CNTRL: variants seen among roughly 807,000 people sequenced by gnomAD.
The protein encoded by CNTRL is centriolin, also known as 110 kDa centrosomal protein.
A neutral mutation model predicts 303.7 loss-of-function variants in CNTRL; 233 were observed. That is an observed-to-expected ratio of 0.77 (90% CI 0.69 to 0.86). CNTRL has a LOEUF of 0.86. Ranked by LOEUF, CNTRL falls within the 40% of genes least tolerant of loss-of-function variation. The pLI is 0.00. For missense variants in CNTRL, 2,524 were observed against 2,650.6 expected (o/e 0.95, Z 1.05); for synonymous variants, 900 against 922.2 (o/e 0.98, Z 0.44).
In CNTRL at chr9:121,138,544, G is replaced by A; in HGVS notation, c.2203-1G>A. The A allele has an allele frequency of 1.2e-6, 2 of 1,613,386 alleles. No homozygotes were observed. Among genetic ancestry groups the A allele is most frequent in the Non-Finnish European group, 1.7e-6 (2 of 1,179,612 alleles). ...CATGTCATTGCTTCCTATGGTGACA[G>A]TTAGAACAATCAGCCCTTCAAGCAG... On this transcript the variant is annotated splice_acceptor_variant, in intron 15 of 43. Transcript: ENST00000373855. LOFTEE classifies it high-confidence loss of function.
intron 7 of CNTRL, among the ~76,000 whole-genome samples, chr9:121,103,001 C>T (rs1334684077): frequency 6.6e-6 from 1 of 152,122 alleles, no homozygotes; most frequent in Admixed American, 6.5e-5. Context: ...TCAATGCCAT[C>T]CCCATCAAGC....
In CNTRL at chr9:121,130,971, T is replaced by C. The variant is rs142270296; in HGVS notation, c.2026-4835T>C. 1.1e-3 allele frequency among the ~76,000 whole-genome samples: 168 copies of C among 152,324 alleles called. 1 individual carries two copies. Among genetic ancestry groups the C allele is most frequent in the Non-Finnish European group, 1.0e-3 (70 of 68,030 alleles). On this transcript the variant is annotated intron_variant, in intron 14 of 43. Transcript: ENST00000373855. The stretch of plus-strand genomic sequence containing the variant: ...TGAGTTTCTTAATCCTGAGTTCTAA[T>C]TTGATTGCACTGTGGTCTGAGAGAC...
At chr9:121,075,715 A>G (rs2047895445) in intron 1 of CNTRL, among the ~76,000 whole-genome samples, 1 of 152,150 alleles carries the variant, frequency 6.6e-6, no homozygotes, top group South Asian at 2.1e-4. Context: ...ATAATTGCGA[A>G]TCATTTTTGG....
rs1387230949 is a variant in CNTRL at position 121,152,637 on chromosome 9, C to G, written c.4116C>G (p.Ser1372Arg). Residue 1372 changes from serine to arginine, a missense_variant, in exon 26 of 44, where the codon AGC (serine) becomes AGG (arginine). By Grantham distance (110) the Ser-to-Arg change is moderately radical. Transcript: ENST00000373855. ...ATGATCTTTTGCAAGAGAAGAAAAG[C>G]TTAGAGTGTGAAGTAGAAGAATTAC... is the stretch of plus-strand genomic sequence containing the variant. The part of the protein sequence containing the change: ...NIDDLLQEKK[S>R]LECEVEELHR... 3 of 1,613,976 alleles carry G rather than the reference C, an allele frequency of 1.9e-6. No individual in the cohort carries two copies. In the Admixed American group the frequency reaches 5.0e-5, roughly 27 times the overall value.
chr9:121,174,908 C>T, intron 42 of CNTRL, 110 bp from the exon 43 acceptor site: 1 of 907,196 alleles, frequency 1.1e-6, no homozygotes, highest in Non-Finnish European at 1.8e-6. Flanking sequence ...TTTTTGACAG[C>T]CATTCCTACT....
At chr9:121,104,871 T>C (rs2049384198) in intron 7 of CNTRL, among the ~76,000 whole-genome samples, 1 of 152,028 alleles carries the variant, frequency 6.6e-6, no homozygotes, top group Non-Finnish European at 1.5e-5. Context: ...CAGGCTAATT[T>C]TGTATTTTTA....
At chr9:121,090,155 AGCTTTTTTGGTATATTCATGGC>A (rs2132293415) in intron 3 of CNTRL, 98 bp from the exon 4 acceptor site, 1 of 601,300 alleles carries the variant, frequency 1.7e-6, no homozygotes, top group East Asian at 4.5e-5. Context: ...AGAAATAGCC[AGCTTTTTTGGTATATTCATGGC>A]TTAATTTTTG....
At chr9:121,098,821 AAGAC>A (rs1473438348) in intron 7 of CNTRL, among the ~76,000 whole-genome samples, 1 of 106,530 alleles carries the variant, frequency 9.4e-6, no homozygotes, top group Non-Finnish European at 2.2e-5. Flanking sequence ...TTTGGCAGAG[AAGAC>A]AGACAAAAAA....
In CNTRL at chr9:121,090,256, T is replaced by A; in HGVS notation, c.218-19T>A. The A allele has an allele frequency of 1.3e-6, 2 of 1,582,200 alleles. No homozygotes were observed. The highest frequency in any genetic ancestry group is 1.2e-5 in the South Asian group (1 of 84,538). On this transcript the variant is annotated intron_variant, in intron 3 of 43. Transcript: ENST00000373855. The stretch of plus-strand genomic sequence containing the variant: ...CATGTCTTTCCTCTACTGATGATGA[T>A]CTGTTTCTATAATTTCAGGAGCTGA...
Position 121,112,177 on chromosome 9 carries a change from T to A in CNTRL, c.1003-282T>A, listed in dbSNP as rs989921349. On this transcript the variant is annotated intron_variant, in intron 8 of 43. Transcript: ENST00000373855. ...AATAATTGATACAAAAATATTTTCA[T>A]GTTTAACAAATTTAAGTGATTTTTA... 5.3e-5 allele frequency among the ~76,000 whole-genome samples: 8 copies of A among 152,306 alleles called. 1 individual carries two copies. Among genetic ancestry groups the A allele is most frequent in the Admixed American group, 3.3e-4 (5 of 15,284 alleles).
chr9:121,136,466 T>A (rs963877789), intron 15 of CNTRL, among the ~76,000 whole-genome samples: 3 of 152,098 alleles, frequency 2.0e-5, no homozygotes, highest in African/African-American at 7.2e-5. Flanking sequence ...CGCGCCACCA[T>A]GCCTGGCCAA....
In CNTRL at chr9:121,159,030, T is replaced by A; in HGVS notation, c.4929+11T>A. ...TGCAATCACATTAGGGTGTGTTTTT[T>A]ATTAGGGTTTTCTGAAGAGTCGTAG... On this transcript the variant is annotated intron_variant, in intron 31 of 43. Coordinates refer to ENST00000373855, the MANE Select transcript of CNTRL (RefSeq NM_007018.6). 1 of 1,612,462 alleles carries A rather than the reference T, an allele frequency of 6.2e-7. No individual in the cohort carries two copies. The highest frequency in any genetic ancestry group is 1.3e-5 in the African/African-American group (1 of 74,886).
chr9:121,126,109 C>T (rs2050509154), intron 14 of CNTRL, among the ~76,000 whole-genome samples, 173 bp downstream of exon 14: 1 of 151,296 alleles, frequency 6.6e-6, no homozygotes, highest in South Asian at 2.1e-4. Context: ...AGCTGTGATA[C>T]ATTTGGAATT....
chr9:121,083,922 G>A (rs1209050990), intron 2 of CNTRL, among the ~76,000 whole-genome samples: 1 of 152,188 alleles, frequency 6.6e-6, no homozygotes, highest in Non-Finnish European at 1.5e-5. Flanking sequence ...ACATTGTTAT[G>A]TGATGCGTGA....
At chr9:121,083,006 A>T (rs1234015999) in intron 2 of CNTRL, among the ~76,000 whole-genome samples, 1 of 151,916 alleles carries the variant, frequency 6.6e-6, no homozygotes, top group Non-Finnish European at 1.5e-5. Flanking sequence ...TACAATAAAA[A>T]TATGGTATAA....
intron 19 of CNTRL, among the ~76,000 whole-genome samples, chr9:121,143,436 A>G (rs2051641400): frequency 6.6e-6 from 1 of 152,184 alleles, no homozygotes; most frequent in Non-Finnish European, 1.5e-5. Flanking sequence ...GGCTGTAATC[A>G]GTCTCCCCTC....
chr9:121,098,021 A>G (rs1458839130), intron 6 of CNTRL, among the ~76,000 whole-genome samples: 1 of 152,206 alleles, frequency 6.6e-6, no homozygotes, highest in African/African-American at 2.4e-5. Flanking sequence ...TAATGAAAAG[A>G]CAAAGTTGAG....
intron 1 of CNTRL, among the ~76,000 whole-genome samples, chr9:121,078,370 C>T (rs953869726): frequency 2.6e-5 from 4 of 151,548 alleles, no homozygotes; most frequent in Admixed American, 6.6e-5. Flanking sequence ...ATCACACCAC[C>T]GCACTCCAGC....
At chr9:121,170,084 G>A (rs995493640) in intron 39 of CNTRL, among the ~76,000 whole-genome samples, 1 of 152,178 alleles carries the variant, frequency 6.6e-6, no homozygotes, top group Non-Finnish European at 1.5e-5. Context: ...AGCATGTTCT[G>A]CCAGCAAGCC....
Sources: allele counts gnomAD v4.1 joint callset (sites outside exome capture counted in the v4.1 genomes callset), GRCh38; gene constraint gnomAD v4.1.1; transcripts MANE v1.5; gene names NCBI Gene and HGNC (gene_info 2026-07-23, HGNC 2026-07-21).